Variants in MFSD11 observed in about 807,000 individuals in gnomAD.
MFSD11 encodes UNC93-like protein MFSD11.
In MFSD11, 36 loss-of-function variants were observed where a neutral mutation model predicts 53.5. That is an observed-to-expected ratio of 0.67 (90% CI 0.52 to 0.89). MFSD11 has a LOEUF of 0.89. Ranked by LOEUF, MFSD11 falls within the 40% of genes least tolerant of loss-of-function variation. The probability of loss-of-function intolerance (pLI) is 0.00; values close to 1 mark genes in which losing one functional copy is unlikely to be tolerated. For synonymous variants in MFSD11, 186 were observed against 184.9 expected, an observed-to-expected ratio of 1.01 and a Z score of -0.05; for missense variants, 530 against 543.9, an observed-to-expected ratio of 0.97 and a Z score of 0.25.
intron 1 of MFSD11, 40 bp downstream of exon 1, chr17:76,738,488 C>T (rs779150046): frequency 2.9e-6 from 4 of 1,396,846 alleles, no homozygotes; most frequent in Non-Finnish European, 4.1e-6. Context: ...AAGTGCCCAT[C>T]ATAATGCAGT....
chr17:76,752,531 C>T (rs562574979), intron 7 of MFSD11, among the ~76,000 whole-genome samples: 2 of 152,042 alleles, frequency 1.3e-5, no homozygotes, highest in Non-Finnish European at 2.9e-5. Context: ...GGGTGCACCA[C>T]CACACCCTGC....
chr17:76,796,549 A>G, the MFSD11 span, among the ~76,000 whole-genome samples: 1 of 152,140 alleles, frequency 6.6e-6, no homozygotes, highest in Non-Finnish European at 1.5e-5. Context: ...AATTCAGTTC[A>G]ATCCTGACAC....
At position 76,742,034 on chromosome 17, in the gene MFSD11, G is replaced by A. The variant is rs766018541; in HGVS notation, c.326G>A (p.Gly109Glu). The A allele has an allele frequency of 1.2e-6, 2 of 1,614,000 alleles. No homozygotes were observed. The highest frequency in any genetic ancestry group is 8.5e-7 in the Non-Finnish European group (1 of 1,180,034). ...WSFYTASVFI[G>E]IAAAVLWTAQ... ...TTCTACACAGCCTCTGTTTTCATTG[G>A]AATTGCTGCTGCTGGTAAGCATTTT... The change falls in exon 4 of 13, where the codon GGA (glycine) becomes GAA (glutamate). Residue 109 changes from glycine (G) to glutamate (E), a missense_variant. By Grantham distance (98) the Gly-to-Glu change is moderately conservative. Transcript: ENST00000685175.
At chr17:76,767,096 T>A in intron 8 of MFSD11, 1 of 300,554 alleles carries the variant, frequency 3.3e-6, no homozygotes, top group Non-Finnish European at 6.2e-6. Flanking sequence ...AAGTACTTTG[T>A]TGTTTTGTTT....
intron 3 of MFSD11, 118 bp from the exon 4 acceptor site, chr17:76,741,851 A>G: frequency 1.3e-6 from 2 of 1,503,472 alleles, no homozygotes; most frequent in South Asian, 2.5e-5. Flanking sequence ...AACTGGAGCG[A>G]TCCTTTACAG....
At chr17:76,739,070 A>C in intron 2 of MFSD11, 77 bp downstream of exon 2, 1 of 1,125,120 alleles carries the variant, frequency 8.9e-7, no homozygotes, top group East Asian at 2.4e-5. Flanking sequence ...CCAGCAATAG[A>C]ATATTGTGAT....
At chr17:76,742,416 T>A in intron 5 of MFSD11, 143 bp downstream of exon 5, 1 of 686,476 alleles carries the variant, frequency 1.5e-6, no homozygotes, top group Non-Finnish European at 2.5e-6. Flanking sequence ...TCCAATTTTA[T>A]AGAATCACTT....
upstream of MFSD11, chr17:76,737,293 C>G (rs1349867707): frequency 1.0e-5 from 13 of 1,270,048 alleles, 1 homozygote; most frequent in South Asian, 3.2e-5. Context: ...CAGAACAGCA[C>G]GGACGGGCTC....
At chr17:76,787,983 A>G in the MFSD11 span, among the ~76,000 whole-genome samples, 1 of 148,934 alleles carries the variant, frequency 6.7e-6, no homozygotes, top group Non-Finnish European at 1.5e-5. Context: ...TTACCCCCAA[A>G]TACATGGTTT....
chr17:76,748,614 G>T (rs1272714023), intron 7 of MFSD11, among the ~76,000 whole-genome samples: 3 of 151,918 alleles, frequency 2.0e-5, no homozygotes, highest in Non-Finnish European at 4.4e-5. Context: ...TCAGCAAAGG[G>T]ATTCAAGGTT....
chr17:76,781,092 T>G (rs2082153577), downstream of MFSD11: 1 of 152,208 alleles, frequency 6.6e-6, no homozygotes, highest in Non-Finnish European at 1.5e-5. Context: ...TGAGCGTCTC[T>G]CCAGGCTGCA....
chr17:76,755,335 G>A (rs1219173849), intron 8 of MFSD11, among the ~76,000 whole-genome samples: 1 of 152,102 alleles, frequency 6.6e-6, no homozygotes, highest in Non-Finnish European at 1.5e-5. Flanking sequence ...TTTTGCTTCT[G>A]CCTATGGCTC....
At chr17:76,761,446 T>C (rs1009314295) in intron 8 of MFSD11, among the ~76,000 whole-genome samples, 5 of 152,248 alleles carry the variant, frequency 3.3e-5, no homozygotes, top group East Asian at 1.9e-4. Flanking sequence ...ATCTATATAA[T>C]AGATTACCCT....
chr17:76,776,556 T>C lies in MFSD11; in HGVS notation c.1185+15T>C. On this transcript the variant is annotated intron_variant, in intron 12 of 12. Transcript: ENST00000685175. This position sits in a 1 kb window ranked among gnomAD's most constrained non-coding sequence, Gnocchi z 4.2. ...AGTTTGTTCAGGTAACCTCTTCAGA[T>C]TGTGATTGTGTTTGACATAGGGCTC... 1 of 1,612,750 alleles carries C rather than the reference T, an allele frequency of 6.2e-7. No individual in the cohort carries two copies. The highest frequency in any genetic ancestry group is 8.5e-7 in the Non-Finnish European group (1 of 1,179,632).
intron 8 of MFSD11, among the ~76,000 whole-genome samples, chr17:76,762,605 G>A (rs2144666215): frequency 6.8e-6 from 1 of 146,828 alleles, no homozygotes; most frequent in East Asian, 2.1e-4. Context: ...GCAGTGAGCC[G>A]AGATCGCGCC....
intron 9 of MFSD11, chr17:76,769,103 G>A (rs1047062670): frequency 2.6e-5 from 4 of 152,026 alleles, no homozygotes; most frequent in Non-Finnish European, 4.4e-5. Flanking sequence ...GCCCATCTCC[G>A]CCTGCATGGA....
At chr17:76,784,980 A>G (rs972741869), downstream of MFSD11, among the ~76,000 whole-genome samples, 1 of 152,268 alleles carries the variant, frequency 6.6e-6, no homozygotes, top group Non-Finnish European at 1.5e-5. Flanking sequence ...CACTCTGGGC[A>G]TATACACAAA....
At chr17:76,747,447 G>A (rs530027746) in intron 7 of MFSD11, among the ~76,000 whole-genome samples, 15 of 151,962 alleles carry the variant, frequency 9.9e-5, no homozygotes, top group East Asian at 7.7e-4. Context: ...TGATTCTTCC[G>A]CCTCAGCCTC....
Position 76,779,314 on chromosome 17 carries a change from A to G in MFSD11, c.*962A>G, listed in dbSNP as rs2082090483. The G allele has an allele frequency of 6.6e-6, 1 of 151,402 alleles. No homozygotes were observed. Among genetic ancestry groups the G allele is most frequent in the African/African-American group, 2.4e-5 (1 of 41,368 alleles). 9.4% of individuals were successfully genotyped at this position (151,402 alleles called of 1,614,324 possible). On this transcript the variant is annotated 3_prime_UTR_variant, in exon 13 of 13. Coordinates refer to ENST00000685175, the MANE Select transcript of MFSD11 (RefSeq NM_001242532.5). ...AATGATAATTTTTTAAAATAATGAA[A>G]AATAAATAACAAGATGCTGAAATGA...
Sources: allele counts gnomAD v4.1 joint callset (sites outside exome capture counted in the v4.1 genomes callset), GRCh38; gene constraint gnomAD v4.1.1; non-coding constraint Gnocchi (gnomAD v3.1); transcripts MANE v1.5; gene names NCBI Gene and HGNC (gene_info 2026-07-23, HGNC 2026-07-21).